NPAS2: variants seen among roughly 807,000 people sequenced by gnomAD.
NPAS2 encodes neuronal PAS domain-containing protein 2.
Under a neutral mutation model 107.5 loss-of-function variants are expected in NPAS2, and 23 were observed. The observed-to-expected ratio is 0.21, with a 90% confidence interval of 0.15 to 0.30. The LOEUF (loss-of-function observed/expected upper bound fraction) is 0.30. Ranked by LOEUF, NPAS2 falls within the 10% of genes least tolerant of loss-of-function variation. The pLI, the probability that NPAS2 is intolerant of heterozygous loss-of-function variation, is 1.00. For synonymous variants in NPAS2, 403 were observed against 417.5 expected (o/e 0.97, Z 0.42); for missense variants, 756 against 1,043.3 (o/e 0.72, Z 3.79).
Position 100,868,236 on chromosome 2 carries a change from AT to A in NPAS2, c.-22-36495del, listed in dbSNP as rs1366908274. ...CATCTAAAATATCTCTATTTTATCA[AT>A]TGTTGAAAGATAGTTTTGCAGGGTA... is the stretch of plus-strand genomic sequence containing the variant. On this transcript the variant is annotated intron_variant, in intron 1 of 20. Coordinates refer to ENST00000335681, the MANE Select transcript of NPAS2 (RefSeq NM_002518.4). Among the ~76,000 whole-genome samples, 15 of 152,310 alleles carry A rather than the reference AT, an allele frequency of 9.8e-5. No individual in the cohort carries two copies. The East Asian group carries it at 2.9e-3, about 29-fold the overall frequency.
At position 100,839,787 on chromosome 2, in the gene NPAS2, A is replaced by G. The variant is rs114727034; in HGVS notation, c.-23+19373A>G. On this transcript the variant is annotated intron_variant, in intron 1 of 20. Coordinates refer to ENST00000335681, the MANE Select transcript of NPAS2 (RefSeq NM_002518.4). The stretch of plus-strand genomic sequence containing the variant: ...ATGCTTTCATTTTATTTTTATCAAA[A>G]ATTGCTGCCAGGCATGTCTAGAGTT... Among the ~76,000 whole-genome samples the G allele has an allele frequency of 2.9e-3, 444 of 152,270 alleles. 2 individuals carry two copies. Among genetic ancestry groups the G allele is most frequent in the African/African-American group, 0.01 (420 of 41,554 alleles).
intron 1 of NPAS2, chr2:100,847,126 G>T (rs1677823334): frequency 6.6e-6 from 1 of 152,170 alleles, no homozygotes; most frequent in Admixed American, 6.5e-5. Flanking sequence ...CTCAGCTGTT[G>T]GTGATATTGT....
intron 16 of NPAS2, chr2:100,985,244 A>G (rs1302354562): frequency 6.6e-6 from 1 of 151,408 alleles, no homozygotes; most frequent in African/African-American, 2.5e-5. Context: ...CCATCCTTCC[A>G]TCCGTCCTTC....
chr2:100,895,321 A>G (rs1475965604), intron 1 of NPAS2, among the ~76,000 whole-genome samples: 1 of 152,188 alleles, frequency 6.6e-6, no homozygotes, highest in Non-Finnish European at 1.5e-5. Context: ...GGACTCTCTT[A>G]TGCTGTCTCA....
At chr2:100,979,499 TA>T (rs1283152000) in intron 15 of NPAS2, among the ~76,000 whole-genome samples, 1,222 of 55,304 alleles carry the variant, frequency 0.022, 17 homozygotes, top group East Asian at 0.041. Context: ...TATATATATA[TA>T]TATTTTTTTT....
At chr2:100,978,790 G>A (rs958683395) in intron 15 of NPAS2, among the ~76,000 whole-genome samples, 5 of 152,244 alleles carry the variant, frequency 3.3e-5, no homozygotes, top group Non-Finnish European at 7.3e-5. Flanking sequence ...GAAGTCTGAC[G>A]TGGCTTCCTG....
In NPAS2 at chr2:100,993,338, G is replaced by A. The variant is rs770391673; in HGVS notation, c.2112-9G>A. 20 of 1,556,124 alleles carry A rather than the reference G, an allele frequency of 1.3e-5. No individual in the cohort carries two copies. Among genetic ancestry groups the A allele is most frequent in the South Asian group, 5.8e-5 (5 of 85,998 alleles). ...AAAGGACCTGTTTTCTCCTTCCCACGTGAAACAGGTACGCCCAGAGCCAGA... is the reference window on the plus strand; with the variant it reads ...AAAGGACCTGTTTTCTCCTTCCCACATGAAACAGGTACGCCCAGAGCCAGA... On this transcript the variant is annotated splice_polypyrimidine_tract_variant and intron_variant, in intron 19 of 20. Coordinates refer to ENST00000335681, the MANE Select transcript of NPAS2 (RefSeq NM_002518.4).
At chr2:100,937,685 C>T (rs1684415237) in intron 4 of NPAS2, 68 bp from the exon 5 acceptor site, 1 of 1,084,726 alleles carries the variant, frequency 9.2e-7, no homozygotes, top group South Asian at 1.2e-5. Context: ...ATAGTGTCCT[C>T]TGCATCAGTG....
At chr2:100,948,188 T>C (rs1210701385) in intron 5 of NPAS2, 47 bp from the exon 6 acceptor site, 1 of 1,593,492 alleles carries the variant, frequency 6.3e-7, no homozygotes, top group Non-Finnish European at 8.5e-7. Context: ...GCTTCTGTTT[T>C]TCATCTTCGT....
chr2:100,906,292 C>T (rs1682141934), intron 2 of NPAS2, among the ~76,000 whole-genome samples: 1 of 152,164 alleles, frequency 6.6e-6, no homozygotes, highest in African/African-American at 2.4e-5. Flanking sequence ...TTAGACCAGA[C>T]TAGAGTTCCT....
chr2:100,901,411 TGG>T (rs1050296727), intron 1 of NPAS2: 1 of 427,980 alleles, frequency 2.3e-6, no homozygotes, highest in Non-Finnish European at 3.1e-6. Flanking sequence ...GATTTCAAAC[TGG>T]GGGGGATGTT....
intron 4 of NPAS2, chr2:100,935,069 G>GA (rs1558886694): frequency 5.1e-6 from 5 of 982,404 alleles, no homozygotes; most frequent in South Asian, 4.7e-5. Context: ...TGTGAAGTTT[G>GA]AAAAAACAAA....
At position 100,949,499 on chromosome 2, in the gene NPAS2, A is replaced by ATATGACAAT; in HGVS notation, c.598+21_598+22insTGACAATTA. 1.4e-6 allele frequency: 2 copies of ATATGACAAT among 1,380,184 alleles called. No homozygotes were observed. The highest frequency in any genetic ancestry group is 2.1e-6 in the Non-Finnish European group (2 of 968,254). 85.5% of individuals were successfully genotyped at this position (1,380,184 alleles called of 1,614,324 possible). On this transcript the variant is annotated intron_variant, in intron 7 of 20. Coordinates refer to ENST00000335681, the MANE Select transcript of NPAS2 (RefSeq NM_002518.4). ...AACAATGGTAAGCTTTAATTGTCAT[A>ATATGACAAT]TAATTGTGACAGTGTCTTTTCTCAT... is the stretch of plus-strand genomic sequence containing the variant.
chr2:100,878,855 A>G (rs1263480919), intron 1 of NPAS2, among the ~76,000 whole-genome samples: 1 of 152,198 alleles, frequency 6.6e-6, no homozygotes, highest in African/African-American at 2.4e-5. Context: ...ACGGTGGTTC[A>G]TGCCTGTAAT....
intron 15 of NPAS2, among the ~76,000 whole-genome samples, chr2:100,978,706 G>A (rs903337304): frequency 1.3e-5 from 2 of 152,360 alleles, no homozygotes; most frequent in East Asian, 3.9e-4. Context: ...GGGAGAGACA[G>A]GCATGTAAAC....
intron 5 of NPAS2, among the ~76,000 whole-genome samples, chr2:100,943,400 T>C (rs952554513): frequency 6.6e-6 from 1 of 152,236 alleles, no homozygotes; most frequent in Non-Finnish European, 1.5e-5. Context: ...TTTCTTGCAA[T>C]TATGAGTAGG....
rs1280966426 is a variant in NPAS2 at position 100,964,067 on chromosome 2, C to T, written c.608C>T (p.Pro203Leu). ...NFRSYNNVPS[P>L]SCNGFDNTLS... ...CTTCCCAACCCCCCAGTGCCTAGCC[C>T]CTCCTGTAATGGTTTTGACAACACC... The change falls in exon 8 of 21, where the codon CCC (proline) becomes CTC (leucine). Residue 203 changes from proline to leucine, a missense_variant. Pro to Leu is a moderately conservative substitution (Grantham distance 98). Coordinates refer to ENST00000335681, the MANE Select transcript of NPAS2 (RefSeq NM_002518.4). The T allele has an allele frequency of 6.2e-7, 1 of 1,612,644 alleles. No homozygotes were observed. The highest frequency in any genetic ancestry group is 8.5e-7 in the Non-Finnish European group (1 of 1,178,756).
chr2:100,894,819 A>G (rs1573564801), intron 1 of NPAS2, among the ~76,000 whole-genome samples: 1 of 152,278 alleles, frequency 6.6e-6, no homozygotes, highest in South Asian at 2.1e-4. Context: ...CGACAGCAAG[A>G]TGGAGTCTGT....
chr2:100,866,878 T>C (rs1279191351), intron 1 of NPAS2, among the ~76,000 whole-genome samples: 1 of 152,254 alleles, frequency 6.6e-6, no homozygotes, highest in African/African-American at 2.4e-5. Flanking sequence ...ATACTCTTTC[T>C]AATTTGCTGT....
Sources: gnomAD v4.1 joint callset for allele counts (sites outside exome capture counted in the v4.1 genomes callset) on GRCh38, gnomAD v4.1.1 for gene constraint, MANE v1.5 for transcripts, NCBI Gene and HGNC (gene_info 2026-07-23, HGNC 2026-07-21) for gene names.